Variants in ZMAT4 observed in about 807,000 individuals in gnomAD.
ZMAT4 encodes the protein zinc finger matrin-type protein 4.
In ZMAT4, 17 loss-of-function variants were observed where a neutral mutation model predicts 28.7. The observed-to-expected ratio is 0.59, with a 90% CI of 0.41 to 0.89. The LOEUF is 0.89. Among genes scored for constraint, ZMAT4 ranks in the 40% least tolerant of loss-of-function variants. The probability of loss-of-function intolerance (pLI) is 0.00; values close to 1 mark genes in which losing one functional copy is unlikely to be tolerated. For missense variants in ZMAT4, 240 were observed against 283.8 expected (o/e 0.85, Z 1.11); for synonymous variants, 117 against 109.2 (o/e 1.07, Z -0.44).
intron 1 of ZMAT4, among the ~76,000 whole-genome samples, chr8:40,873,412 G>C (rs913013119): frequency 6.6e-6 from 1 of 152,118 alleles, no homozygotes; most frequent in Non-Finnish European, 1.5e-5. Flanking sequence ...CCAAATCAAC[G>C]ACAGCCTTCT....
intron 1 of ZMAT4, among the ~76,000 whole-genome samples, chr8:40,835,980 C>G (rs1816466323): frequency 6.6e-6 from 1 of 152,148 alleles, no homozygotes; most frequent in African/African-American, 2.4e-5. Context: ...CAGGAAGATA[C>G]AGGAATTTAA....
chr8:40,797,896 C>A (rs1330659505), intron 2 of ZMAT4, among the ~76,000 whole-genome samples: 1 of 152,158 alleles, frequency 6.6e-6, no homozygotes, highest in African/African-American at 2.4e-5. Context: ...CCTTGAATTC[C>A]AAGTCAGAAC....
chr8:40,697,258 TG>T lies in ZMAT4; in HGVS notation c.335del (p.Pro112HisfsTer2), dbSNP rs1563418293. On this transcript the variant is annotated frameshift_variant, in exon 4 of 7. Coordinates refer to ENST00000297737, the MANE Select transcript of ZMAT4 (RefSeq NM_024645.3). LOFTEE classifies it high-confidence loss of function. ...TCCTGCACGTACCTGTGGTCTTTAA[TG>T]GGGTCTTCTCTCCTAGCAAGAGTTT... is the stretch of plus-strand genomic sequence containing the variant. ...RLKLLLGEKT[P>X]LKTTATPLSP... 1 of 1,610,642 alleles carries T rather than the reference TG, an allele frequency of 6.2e-7. No homozygotes were observed. The highest frequency in any genetic ancestry group is 1.3e-5 in the African/African-American group (1 of 74,910).
At chr8:40,874,001 T>G (rs544422430) in intron 1 of ZMAT4, among the ~76,000 whole-genome samples, 8 of 152,274 alleles carry the variant, frequency 5.3e-5, no homozygotes, top group African/African-American at 1.9e-4. Context: ...GGGAAGATGA[T>G]GAGTGACTCT....
At chr8:40,612,217 T>TGACGTGATCTTGGCTCACTG (rs1391852403) in intron 5 of ZMAT4, among the ~76,000 whole-genome samples, 7 of 88,482 alleles carry the variant, frequency 7.9e-5, no homozygotes, top group Non-Finnish European at 2.3e-4. Flanking sequence ...CAATGCTCAT[T>TGACGTGATCTTGGCTCACTG]CATATCCTCT....
At chr8:40,664,001 A>C (rs1808303817) in intron 5 of ZMAT4, among the ~76,000 whole-genome samples, 1 of 152,194 alleles carries the variant, frequency 6.6e-6, no homozygotes, top group African/African-American at 2.4e-5. Flanking sequence ...TCGGTTTGAG[A>C]CCCATAATTC....
intron 5 of ZMAT4, among the ~76,000 whole-genome samples, chr8:40,670,405 C>T (rs1325166196): frequency 1.3e-5 from 2 of 152,030 alleles, no homozygotes; most frequent in Non-Finnish European, 2.9e-5. Flanking sequence ...CATCATAATC[C>T]TACATGTAAA....
chr8:40,801,624 C>T (rs573821543), intron 2 of ZMAT4, among the ~76,000 whole-genome samples: 8 of 151,908 alleles, frequency 5.3e-5, no homozygotes, highest in South Asian at 2.1e-4. Context: ...GGGCTGAGAT[C>T]GCACCATTGA....
At chr8:40,694,063 C>T (rs939236130) in intron 4 of ZMAT4, among the ~76,000 whole-genome samples, 5 of 152,128 alleles carry the variant, frequency 3.3e-5, no homozygotes, top group Non-Finnish European at 7.4e-5. Context: ...TTTCTGTGTT[C>T]CTTTTTTTTT....
intron 3 of ZMAT4, among the ~76,000 whole-genome samples, chr8:40,740,120 T>A (rs1811938013): frequency 6.6e-6 from 1 of 152,242 alleles, no homozygotes; most frequent in Non-Finnish European, 1.5e-5. Context: ...TGCATGTGTC[T>A]TTAGAGTAGA....
Position 40,832,479 on chromosome 8 carries a change from C to T in ZMAT4, c.-4-6799G>A, listed in dbSNP as rs190897969. ...CTCGAAAAGCCGCTGTGCCCTCTGC[C>T]GAGTCCTGCTGGCCCTTCTCCAGCC... On this transcript the variant is annotated intron_variant, in intron 1 of 6. Transcript: ENST00000297737. Among the ~76,000 whole-genome samples the T allele has an allele frequency of 4.3e-3, 648 of 152,264 alleles. 2 individuals carry two copies. The highest frequency in any genetic ancestry group is 6.8e-3 in the Non-Finnish European group (465 of 68,024).
intron 1 of ZMAT4, among the ~76,000 whole-genome samples, chr8:40,859,972 A>G (rs1179633831): frequency 6.6e-6 from 1 of 152,200 alleles, no homozygotes; most frequent in Non-Finnish European, 1.5e-5. Context: ...AACTCTATTG[A>G]ATGAAAAGTA....
intron 5 of ZMAT4, among the ~76,000 whole-genome samples, chr8:40,624,318 G>A (rs1274660942): frequency 1.3e-5 from 2 of 152,230 alleles, no homozygotes; most frequent in Non-Finnish European, 2.9e-5. Context: ...GGGTCAGCGA[G>A]AGGGCAGTGG....
intron 2 of ZMAT4, chr8:40,786,541 T>C (rs146991237): frequency 1.3e-4 from 56 of 421,306 alleles, no homozygotes; most frequent in African/African-American, 1.0e-3. Flanking sequence ...ATCTGGAATG[T>C]GAAGTATTTT....
chr8:40,847,541 G>A (rs1436245402), intron 1 of ZMAT4, among the ~76,000 whole-genome samples: 2 of 152,148 alleles, frequency 1.3e-5, no homozygotes, highest in African/African-American at 4.8e-5. Flanking sequence ...GGAGGACGTG[G>A]GAAGGCAATG....
chr8:40,881,709 A>C (rs1400381126), intron 1 of ZMAT4, among the ~76,000 whole-genome samples: 1 of 152,134 alleles, frequency 6.6e-6, no homozygotes, highest in Non-Finnish European at 1.5e-5. Context: ...AGCTTGAAAA[A>C]ACAGCTCTCC....
intron 3 of ZMAT4, among the ~76,000 whole-genome samples, chr8:40,714,899 A>C (rs533093670): frequency 1.3e-5 from 2 of 152,032 alleles, no homozygotes; most frequent in African/African-American, 4.8e-5. Flanking sequence ...AAATACAAAA[A>C]TTAGCCAGGC....
At chr8:40,779,124 T>C (rs1164522103) in intron 2 of ZMAT4, among the ~76,000 whole-genome samples, 1 of 152,038 alleles carries the variant, frequency 6.6e-6, no homozygotes, top group African/African-American at 2.4e-5. Context: ...GGGTGCAGTT[T>C]CCCCAAATAC....
At chr8:40,587,456 A>G (rs1804707018) in intron 5 of ZMAT4, among the ~76,000 whole-genome samples, 1 of 152,196 alleles carries the variant, frequency 6.6e-6, no homozygotes, top group Admixed American at 6.5e-5. Context: ...GCTGTTTATA[A>G]TGTACAGGCA....
Sources: allele counts gnomAD v4.1 joint callset (sites outside exome capture counted in the v4.1 genomes callset), GRCh38; gene constraint gnomAD v4.1.1; transcripts MANE v1.5; gene names NCBI Gene and HGNC (gene_info 2026-07-23, HGNC 2026-07-21).